The following SYNPO variants were observed in gnomAD, a reference collection of about 807,000 sequenced individuals.
SYNPO encodes the protein synaptopodin.
A neutral mutation model predicts 49.5 loss-of-function variants in SYNPO; 19 were observed. The ratio of observed to expected loss-of-function variants is 0.38; its 90% CI spans 0.27 to 0.56. The LOEUF (loss-of-function observed/expected upper bound fraction) is 0.56. Among genes scored for constraint, SYNPO ranks in the 20% least tolerant of loss-of-function variants. SYNPO has a pLI of 0.68. For missense variants in SYNPO, 1,131 were observed against 1,248.3 expected, an observed-to-expected ratio of 0.91 and a Z score of 1.42; for synonymous variants, 536 against 548.0, an observed-to-expected ratio of 0.98 and a Z score of 0.31.
intron 2 of SYNPO, among the ~76,000 whole-genome samples, chr5:150,634,843 C>G (rs1288901775): frequency 9.1e-6 from 1 of 109,504 alleles, no homozygotes; most frequent in African/African-American, 4.7e-5. Context: ...CACACACACA[C>G]ACACACACAC....
upstream of SYNPO, chr5:150,640,538 G>C (rs1757864906): frequency 1.4e-5 from 8 of 569,252 alleles, no homozygotes; most frequent in Non-Finnish European, 1.8e-5. Flanking sequence ...GAGCAGGAGA[G>C]AGGCATGAGT....
intron 1 of SYNPO, among the ~76,000 whole-genome samples, chr5:150,645,237 A>G (rs943737027): frequency 6.6e-6 from 1 of 152,152 alleles, no homozygotes; most frequent in Non-Finnish European, 1.5e-5. Flanking sequence ...GCCTGGAAAG[A>G]CTGTCCCTGG....
chr5:150,628,340 G>A lies in SYNPO; in HGVS notation c.400+9573G>A, dbSNP rs572746783. Among the ~76,000 whole-genome samples the A allele has an allele frequency of 2.4e-3, 368 of 152,270 alleles. 2 individuals carry two copies. Among genetic ancestry groups the A allele is most frequent in the Non-Finnish European group, 1.1e-3 (75 of 68,018 alleles). On this transcript the variant is annotated intron_variant, in intron 2 of 2. Transcript: ENST00000394243. Reference sequence around the variant, plus strand: ...GTCCAGCCTCCCAGGGTTGCTGCGGGTGGAACAAAATTCAGTCTACTCCTA... The same window carrying A: ...GTCCAGCCTCCCAGGGTTGCTGCGGATGGAACAAAATTCAGTCTACTCCTA...
At chr5:150,655,882 C>T (rs1381047151) in intron 2 of SYNPO, among the ~76,000 whole-genome samples, 2 of 152,214 alleles carry the variant, frequency 1.3e-5, no homozygotes, top group African/African-American at 2.4e-5. Context: ...AACTCCTGAC[C>T]TCAGGTGATC....
chr5:150,656,744 C>CG lies in SYNPO; in HGVS notation c.2370dup (p.Pro791AlafsTer80). The CG allele has an allele frequency of 8.8e-7, 1 of 1,139,286 alleles. No individual in the cohort carries two copies. Among genetic ancestry groups the CG allele is most frequent in the Non-Finnish European group, 1.1e-6 (1 of 938,720 alleles). 70.6% of individuals were successfully genotyped at this position (1,139,286 alleles called of 1,614,324 possible). On this transcript the variant is annotated frameshift_variant, in exon 3 of 3. Transcript: ENST00000307662. LOFTEE classifies it low-confidence loss of function (END_TRUNC). ...CCCTTCTCCCCGCCGAGGGCGCCAC[C>CG]GCCCCCGCCCCCGCCCCCGCCCCCG...
chr5:150,598,481 C>T (rs563854487), upstream of SYNPO, among the ~76,000 whole-genome samples: 2 of 152,228 alleles, frequency 1.3e-5, no homozygotes, highest in East Asian at 1.9e-4. Flanking sequence ...GGCCTCCCTA[C>T]CAGCTTTCTG....
intron 1 of SYNPO, 79 bp downstream of exon 1, chr5:150,640,933 C>A: frequency 1.3e-6 from 1 of 756,920 alleles, no homozygotes; most frequent in Non-Finnish European, 1.6e-6. Flanking sequence ...CCCCTCTGAT[C>A]TTAGTCTGTC....
intron 2 of SYNPO, among the ~76,000 whole-genome samples, chr5:150,655,080 G>A (rs1424368108): frequency 1.3e-5 from 2 of 152,218 alleles, no homozygotes; most frequent in African/African-American, 4.8e-5. Flanking sequence ...AGCTGAGATT[G>A]TGCCATTGCA....
At chr5:150,600,083 C>T (rs962540496), upstream of SYNPO, among the ~76,000 whole-genome samples, 6 of 152,324 alleles carry the variant, frequency 3.9e-5, no homozygotes, top group African/African-American at 9.6e-5. Context: ...CATTTTGCTG[C>T]GTGACTTTGG....
chr5:150,639,454 C>T (rs1757821688), upstream of SYNPO, among the ~76,000 whole-genome samples: 1 of 152,150 alleles, frequency 6.6e-6, no homozygotes, highest in Non-Finnish European at 1.5e-5. Flanking sequence ...GGGCTTCCTA[C>T]AAGAAGTGGC....
intron 2 of SYNPO, among the ~76,000 whole-genome samples, chr5:150,632,392 G>T (rs1363573653): frequency 6.6e-6 from 1 of 152,154 alleles, no homozygotes; most frequent in Non-Finnish European, 1.5e-5. Flanking sequence ...AAAATCTATA[G>T]CATATTTTTC....
intron 1 of SYNPO, among the ~76,000 whole-genome samples, chr5:150,602,995 A>AGGG (rs373724432): frequency 3.8e-4 from 33 of 87,506 alleles, no homozygotes; most frequent in African/African-American, 1.4e-3. Context: ...TTGCCACCTT[A>AGGG]GGGTGTGTGT....
rs747912249 is a variant in SYNPO, at chr5:150,648,657, A to G, written c.382A>G (p.Thr128Ala). 6.2e-7 allele frequency: 1 copy of G among 1,614,194 alleles called. No individual in the cohort carries two copies. Among genetic ancestry groups the G allele is most frequent in the Non-Finnish European group, 8.5e-7 (1 of 1,180,034 alleles). Residue 128 changes from threonine (T) to alanine (A), a missense_variant, in exon 2 of 3, where the codon ACA becomes GCA. Physicochemically the swap from Thr to Ala is moderately conservative, Grantham distance 58. Around this residue, in one of 4 missense-constraint regions of SYNPO, gnomAD observed 602 missense variants for 720.7 expected, o/e 0.84. Coordinates refer to ENST00000307662, the MANE Select transcript of SYNPO (RefSeq NM_007286.6). This position sits in a 1 kb window ranked among gnomAD's most constrained non-coding sequence, Gnocchi z 5.0. ...SSEAQLPSNG[T>A]GPASKPSTLC... Reference sequence around the variant, plus strand: ...AGAGGCCCAACTCCCATCTAATGGCACAGGGCCTGCTTCCAAACCCAGCAC... The same window carrying G: ...AGAGGCCCAACTCCCATCTAATGGCGCAGGGCCTGCTTCCAAACCCAGCAC...
chr5:150,629,629 G>T (rs762704831), intron 2 of SYNPO, among the ~76,000 whole-genome samples: 36 of 152,168 alleles, frequency 2.4e-4, no homozygotes, highest in Non-Finnish European at 4.7e-4. Context: ...GCTAACCTGA[G>T]ACCCTTGCGT....
chr5:150,612,314 C>T (rs1036539268), intron 1 of SYNPO, among the ~76,000 whole-genome samples: 4 of 152,228 alleles, frequency 2.6e-5, no homozygotes, highest in Admixed American at 1.3e-4. Context: ...GTTACACCTA[C>T]AGTCAATCTC....
chr5:150,638,198 A>T (rs1757783030), upstream of SYNPO, among the ~76,000 whole-genome samples: 1 of 152,270 alleles, frequency 6.6e-6, no homozygotes, highest in East Asian at 1.9e-4. Context: ...GAGCTAGGAC[A>T]TATGTCACCT....
intron 2 of SYNPO, among the ~76,000 whole-genome samples, chr5:150,619,305 G>A (rs576613601): frequency 5.9e-5 from 9 of 152,218 alleles, no homozygotes; most frequent in African/African-American, 1.7e-4. Context: ...TCAGAGTGAG[G>A]AAAAAGACAG....
exon 2 of SYNPO, chr5:150,618,512 G>C (rs1257739026): frequency 6.4e-7 from 1 of 1,551,340 alleles, no homozygotes; most frequent in Middle Eastern, 1.7e-4. Flanking sequence ...CCTGCAGGGA[G>C]AGGTGGGGCC....
the SYNPO span, among the ~76,000 whole-genome samples, chr5:150,595,549 AG>A: frequency 6.6e-6 from 1 of 152,214 alleles, no homozygotes; most frequent in Non-Finnish European, 1.5e-5. Flanking sequence ...GAAGAAAAGG[AG>A]GGATCTAGGG....
Sources: gnomAD v4.1 joint callset for allele counts (sites outside exome capture counted in the v4.1 genomes callset) on GRCh38, gnomAD v4.1.1 for gene constraint, gnomAD v4.1.1 regional missense constraint, Gnocchi (gnomAD v3.1) non-coding constraint, MANE v1.5 for transcripts, NCBI Gene and HGNC (gene_info 2026-07-23, HGNC 2026-07-21) for gene names.